The following ITGB6 variants were observed in gnomAD, a reference collection of about 807,000 sequenced individuals.
The protein encoded by ITGB6 is integrin beta-6.
Under a neutral mutation model 84.5 loss-of-function variants are expected in ITGB6, and 80 were observed. That is an observed-to-expected ratio of 0.95 (90% CI 0.79 to 1.14). The LOEUF (loss-of-function observed/expected upper bound fraction) is 1.14. Ranked by LOEUF, ITGB6 falls within the 50% of genes most tolerant of loss-of-function variation. The probability of loss-of-function intolerance (pLI) is 0.00; values close to 1 mark genes in which losing one functional copy is unlikely to be tolerated. For synonymous variants in ITGB6, 383 were observed against 354.9 expected (o/e 1.08, Z -0.89); for missense variants, 1,006 against 968.0 (o/e 1.04, Z -0.52).
rs746202002 is a variant in ITGB6 at position 160,107,733 on chromosome 2, AT to A, written c.2213del (p.Asp738ValfsTer35). On this transcript the variant is annotated frameshift_variant, in exon 14 of 15. Coordinates refer to ENST00000283249, the MANE Select transcript of ITGB6 (RefSeq NM_000888.5). LOFTEE classifies it high-confidence loss of function. ...CTTCAAATTTGGCAACTTCTTTACG[AT>A]CATGAAATGACACCAGTAGCTTCCA... Reference protein sequence around the residue: ...CIWKLLVSFHDRKEVAKFEAE... With the variant: ...CIWKLLVSFHXRKEVAKFEAE... 9 of 1,614,086 alleles carry A rather than the reference AT, an allele frequency of 5.6e-6. No homozygotes were observed. Among genetic ancestry groups the A allele is most frequent in the Non-Finnish European group, 7.6e-6 (9 of 1,179,978 alleles).
At chr2:160,162,687 C>T (rs1223771874) in intron 7 of ITGB6, among the ~76,000 whole-genome samples, 7 of 152,104 alleles carry the variant, frequency 4.6e-5, no homozygotes, top group South Asian at 2.1e-4. Context: ...GGTGCGATCT[C>T]GGCTCACTGC....
intron 7 of ITGB6, among the ~76,000 whole-genome samples, chr2:160,158,484 G>A (rs1684706636): frequency 6.6e-6 from 1 of 152,182 alleles, no homozygotes; most frequent in South Asian, 2.1e-4. Context: ...TGTTCCTAAG[G>A]ATACTTCAGA....
At chr2:160,168,431 C>A (rs1685085753) in intron 7 of ITGB6, among the ~76,000 whole-genome samples, 1 of 152,170 alleles carries the variant, frequency 6.6e-6, no homozygotes, top group African/African-American at 2.4e-5. Context: ...AAGGCACAGA[C>A]TATTTAATTT....
rs78940017 is a variant in ITGB6 at position 160,125,856 on chromosome 2, C to T, written c.1883+523G>A. On this transcript the variant is annotated intron_variant, in intron 11 of 14. Transcript: ENST00000283249. ...GTGTATAATGGCAACCAAAGAAAGG[C>T]GCCAAAGAGCATGGGTGGTAAAGAA... Among the ~76,000 whole-genome samples the T allele has an allele frequency of 3.0e-3, 449 of 152,114 alleles. 2 individuals carry two copies. The highest frequency in any genetic ancestry group is 0.01 in the African/African-American group (419 of 41,466).
At chr2:160,158,471 T>A (rs571989440) in intron 7 of ITGB6, among the ~76,000 whole-genome samples, 1 of 152,322 alleles carries the variant, frequency 6.6e-6, no homozygotes, top group Admixed American at 6.5e-5. Context: ...ACATTGAGTA[T>A]TTTGTTCCTA....
intron 4 of ITGB6, among the ~76,000 whole-genome samples, chr2:160,174,686 A>G (rs1389394270): frequency 6.6e-6 from 1 of 152,196 alleles, no homozygotes; most frequent in Non-Finnish European, 1.5e-5. Context: ...CTAGAAATAA[A>G]ACCACTACTT....
chr2:160,137,293 A>G (rs1683778419), intron 10 of ITGB6, 141 bp downstream of exon 10: 3 of 729,220 alleles, frequency 4.1e-6, no homozygotes, highest in Non-Finnish European at 6.7e-6. Context: ...GAGAAGATTC[A>G]GTTACCCTAG....
At chr2:160,134,122 T>G (rs1254378010) in intron 10 of ITGB6, among the ~76,000 whole-genome samples, 2 of 152,092 alleles carry the variant, frequency 1.3e-5, no homozygotes, top group African/African-American at 4.8e-5. Context: ...AGGAGCTGGT[T>G]TTTTGAAAAG....
intron 4 of ITGB6, among the ~76,000 whole-genome samples, chr2:160,188,180 C>A (rs1685977712): frequency 6.6e-6 from 1 of 152,120 alleles, no homozygotes; most frequent in Non-Finnish European, 1.5e-5. Context: ...TAATTGCCTT[C>A]CTACTAAGAA....
At chr2:160,182,747 G>T (rs938016383) in intron 4 of ITGB6, among the ~76,000 whole-genome samples, 1 of 152,248 alleles carries the variant, frequency 6.6e-6, no homozygotes. Context: ...AGAGAGAAAG[G>T]TTGGGTTACC....
Position 160,200,026 on chromosome 2 carries a change from A to T in ITGB6, c.38T>A (p.Leu13Gln), listed in dbSNP as rs1442512337. ...ACCTTGTACGTGATCATTCCTTCCT[A>T]GAAATAGAAAGAACAGGCAAAGCAG... is the stretch of plus-strand genomic sequence containing the variant. Reference protein sequence around the residue: ...IELLCLFFLFLGRNDHVQGGC... With the variant: ...IELLCLFFLFQGRNDHVQGGC... Residue 13 changes from leucine to glutamine, a missense_variant, in exon 1 of 15, where the codon CTA becomes CAA. By Grantham distance (113) the Leu-to-Gln change is moderately radical (BLOSUM62 -2). Transcript: ENST00000283249. 6.2e-7 allele frequency: 1 copy of T among 1,613,752 alleles called. No homozygotes were observed. Among genetic ancestry groups the T allele is most frequent in the Non-Finnish European group, 8.5e-7 (1 of 1,179,800 alleles).
intron 12 of ITGB6, among the ~76,000 whole-genome samples, chr2:160,115,276 C>T (rs567477982): frequency 4.6e-5 from 7 of 152,276 alleles, no homozygotes; most frequent in African/African-American, 1.7e-4. Flanking sequence ...CTCACACAGC[C>T]GGGTACTCCT....
intron 7 of ITGB6, among the ~76,000 whole-genome samples, chr2:160,145,868 C>T (rs1574083955): frequency 6.6e-6 from 1 of 152,172 alleles, no homozygotes; most frequent in Admixed American, 6.5e-5. Context: ...TGATGTTACC[C>T]CCATTCCTGC....
intron 4 of ITGB6, among the ~76,000 whole-genome samples, chr2:160,186,122 G>C (rs1685885528): frequency 6.6e-6 from 1 of 151,894 alleles, no homozygotes; most frequent in South Asian, 2.1e-4. Flanking sequence ...TTGACAAATG[G>C]GATCTAATTA....
At chr2:160,157,837 G>C (rs1310126348) in intron 7 of ITGB6, among the ~76,000 whole-genome samples, 1 of 151,070 alleles carries the variant, frequency 6.6e-6, no homozygotes, top group Admixed American at 6.6e-5. Context: ...GCAAAACCTC[G>C]CTTTTATGGA....
At chr2:160,135,641 T>C (rs1231004086) in intron 10 of ITGB6, among the ~76,000 whole-genome samples, 1 of 151,552 alleles carries the variant, frequency 6.6e-6, no homozygotes, top group Admixed American at 6.6e-5. Context: ...TCATGCTACC[T>C]GACTTCAAAC....
At chr2:160,174,631 T>C (rs1227532276) in intron 4 of ITGB6, among the ~76,000 whole-genome samples, 1 of 152,180 alleles carries the variant, frequency 6.6e-6, no homozygotes, top group Non-Finnish European at 1.5e-5. Flanking sequence ...TGTAGCAGCA[T>C]TCTTGATTTG....
chr2:160,134,131 A>G (rs956361517), intron 10 of ITGB6, among the ~76,000 whole-genome samples: 3 of 152,138 alleles, frequency 2.0e-5, no homozygotes, highest in Non-Finnish European at 2.9e-5. Context: ...TTTTTTGAAA[A>G]GATCAACAAA....
intron 12 of ITGB6, among the ~76,000 whole-genome samples, chr2:160,117,121 C>T (rs1682812502): frequency 6.6e-6 from 1 of 151,798 alleles, no homozygotes; most frequent in South Asian, 2.1e-4. Context: ...AGAAAGTTAA[C>T]AAGGATACCC....
Sources: allele counts gnomAD v4.1 joint callset (sites outside exome capture counted in the v4.1 genomes callset), GRCh38; gene constraint gnomAD v4.1.1; transcripts MANE v1.5; gene names NCBI Gene and HGNC (gene_info 2026-07-23, HGNC 2026-07-21).